The following NRXN3 variants were observed in gnomAD, a reference collection of about 807,000 sequenced individuals.
NRXN3 encodes the protein neurexin III.
A neutral mutation model predicts 137.6 loss-of-function variants in NRXN3; 32 were observed. The ratio of observed to expected loss-of-function variants is 0.23; its 90% CI spans 0.18 to 0.31. NRXN3 has a LOEUF of 0.31. Ranked by LOEUF, NRXN3 falls within the 10% of genes least tolerant of loss-of-function variation. The pLI is 1.00. For missense variants in NRXN3, 1,574 were observed against 2,062.5 expected (o/e 0.76, Z 4.59); for synonymous variants, 798 against 784.5 (o/e 1.02, Z -0.29).
intron 4 of NRXN3, among the ~76,000 whole-genome samples, chr14:78,465,813 G>A (rs573363580): frequency 1.4e-5 from 2 of 147,548 alleles, no homozygotes; most frequent in African/African-American, 5.0e-5. Flanking sequence ...GATTACAGGC[G>A]TGAGCCACCG....
At chr14:78,753,277 G>GA (rs368910714) in intron 8 of NRXN3, among the ~76,000 whole-genome samples, 16 of 150,410 alleles carry the variant, frequency 1.1e-4, no homozygotes, top group Admixed American at 4.0e-4. Context: ...GAGCAAAACA[G>GA]AAAAAAAAAA....
chr14:78,700,060 A>G (rs554327712), intron 6 of NRXN3, among the ~76,000 whole-genome samples: 1 of 152,300 alleles, frequency 6.6e-6, no homozygotes, highest in African/African-American at 2.4e-5. Context: ...GACATGACAA[A>G]TATATCTCAC....
intron 4 of NRXN3, among the ~76,000 whole-genome samples, chr14:78,400,290 A>G (rs1336745372): frequency 6.6e-6 from 1 of 152,242 alleles, no homozygotes; most frequent in Non-Finnish European, 1.5e-5. Context: ...GGCAAAAGTC[A>G]GAAAGATTAG....
chr14:79,761,039 T>C (rs909758283), intron 19 of NRXN3, among the ~76,000 whole-genome samples: 1 of 151,666 alleles, frequency 6.6e-6, no homozygotes, highest in Non-Finnish European at 1.5e-5. Flanking sequence ...GAAGTGATCA[T>C]GAGGAAGGGG....
chr14:79,030,919 CTGTT>C (rs995505514), intron 15 of NRXN3, among the ~76,000 whole-genome samples: 9 of 151,896 alleles, frequency 5.9e-5, no homozygotes, highest in African/African-American at 2.2e-4. Context: ...CTGCCTCTCT[CTGTT>C]TGTATCTTTC....
At chr14:79,006,549 T>C (rs1419021634) in intron 15 of NRXN3, among the ~76,000 whole-genome samples, 1 of 151,968 alleles carries the variant, frequency 6.6e-6, no homozygotes, top group Non-Finnish European at 1.5e-5. Context: ...TAAGATTTGA[T>C]TATTATTCCT....
chr14:79,076,798 C>T (rs1295554895), intron 15 of NRXN3, among the ~76,000 whole-genome samples: 1 of 152,146 alleles, frequency 6.6e-6, no homozygotes, highest in African/African-American at 2.4e-5. Flanking sequence ...ATGAAATAGA[C>T]ATTAGACAAA....
chr14:78,498,947 T>C (rs182079014), intron 4 of NRXN3, among the ~76,000 whole-genome samples: 6 of 152,184 alleles, frequency 3.9e-5, no homozygotes, highest in African/African-American at 1.2e-4. Flanking sequence ...CCATCTTTTA[T>C]TGGTCATGTT....
intron 4 of NRXN3, among the ~76,000 whole-genome samples, chr14:78,616,893 C>T (rs527497405): frequency 2.0e-5 from 3 of 152,266 alleles, no homozygotes; most frequent in South Asian, 2.1e-4. Flanking sequence ...TGAATGCCAT[C>T]GTTACAAATT....
At chr14:78,851,839 G>A (rs1336044532) in intron 10 of NRXN3, among the ~76,000 whole-genome samples, 2 of 152,094 alleles carry the variant, frequency 1.3e-5, no homozygotes, top group Admixed American at 6.6e-5. Context: ...CAACATTTTG[G>A]CATATAGCTA....
intron 15 of NRXN3, among the ~76,000 whole-genome samples, chr14:79,081,940 C>T (rs2047095053): frequency 6.6e-6 from 1 of 151,970 alleles, no homozygotes; most frequent in African/African-American, 2.4e-5. Flanking sequence ...AAAACAGTCT[C>T]CCTGTCTCCC....
At chr14:78,518,841 C>T (rs1412917013) in intron 4 of NRXN3, among the ~76,000 whole-genome samples, 29 of 152,026 alleles carry the variant, frequency 1.9e-4, no homozygotes, top group Admixed American at 1.9e-3. Flanking sequence ...AAGAACTACT[C>T]GTTCTGGAGG....
chr14:78,439,957 GC>G (rs1421332317), intron 4 of NRXN3, among the ~76,000 whole-genome samples: 1 of 152,122 alleles, frequency 6.6e-6, no homozygotes, highest in Non-Finnish European at 1.5e-5. Flanking sequence ...CAGGAAGGTG[GC>G]CTGGCACCTG....
chr14:79,141,948 C>G (rs533200850), intron 15 of NRXN3, among the ~76,000 whole-genome samples: 1 of 152,226 alleles, frequency 6.6e-6, no homozygotes, highest in South Asian at 2.1e-4. Flanking sequence ...TTTCAGCCAC[C>G]ATCAGCTTCT....
chr14:79,473,251 C>G (rs2096530597), intron 16 of NRXN3, among the ~76,000 whole-genome samples: 1 of 152,046 alleles, frequency 6.6e-6, no homozygotes, highest in Non-Finnish European at 1.5e-5. Flanking sequence ...TGATAATATT[C>G]TATCAGTGTC....
chr14:79,139,384 T>C (rs1341526394), intron 15 of NRXN3, among the ~76,000 whole-genome samples: 2 of 152,222 alleles, frequency 1.3e-5, no homozygotes, highest in Non-Finnish European at 2.9e-5. Flanking sequence ...ATGTTGTTAC[T>C]TGATATATTC....
At chr14:78,859,506 G>A (rs1336525617) in intron 10 of NRXN3, among the ~76,000 whole-genome samples, 1 of 152,082 alleles carries the variant, frequency 6.6e-6, no homozygotes, top group Non-Finnish European at 1.5e-5. Context: ...GTTCCATGTG[G>A]TTGAGCTTGG....
intron 4 of NRXN3, among the ~76,000 whole-genome samples, chr14:78,582,406 A>G (rs1309379229): frequency 6.6e-6 from 1 of 152,220 alleles, no homozygotes. Context: ...GTTATTATGA[A>G]GAGAATAGCT....
intron 19 of NRXN3, among the ~76,000 whole-genome samples, chr14:79,741,693 C>T (rs1202296342): frequency 6.6e-6 from 1 of 151,846 alleles, no homozygotes; most frequent in Non-Finnish European, 1.5e-5. Context: ...GCTATGTTGG[C>T]CAGGCTGGTC....
Sources: gnomAD v4.1 joint callset for allele counts (sites outside exome capture counted in the v4.1 genomes callset) on GRCh38, gnomAD v4.1.1 for gene constraint, MANE v1.5 for transcripts, NCBI Gene and HGNC (gene_info 2026-07-23, HGNC 2026-07-21) for gene names.